NOS1: variants seen among roughly 807,000 people sequenced by gnomAD.
NOS1 encodes the protein NOS type I.
Under a neutral mutation model 164.5 loss-of-function variants are expected in NOS1, and 51 were observed. The observed-to-expected ratio is 0.31, with a 90% CI of 0.25 to 0.39. NOS1 has a LOEUF of 0.39. NOS1 is among the 10% of genes least tolerant of loss of function. The probability of loss-of-function intolerance (pLI) is 1.00; values close to 1 mark genes in which losing one functional copy is unlikely to be tolerated. For synonymous variants in NOS1, 719 were observed against 745.8 expected, an observed-to-expected ratio of 0.96 and a Z score of 0.59; for missense variants, 1,362 against 1,885.6, an observed-to-expected ratio of 0.72 and a Z score of 5.14.
At chr12:117,227,712 G>T in intron 22 of NOS1, 71 bp from the exon 23 acceptor site, 1 of 1,473,602 alleles carries the variant, frequency 6.8e-7, no homozygotes, top group South Asian at 1.1e-5. Context: ...GACCTGAGGG[G>T]GTCCAGGAAG....
intron 2 of NOS1, among the ~76,000 whole-genome samples, chr12:117,319,554 G>C (rs1399818321): frequency 6.6e-6 from 1 of 152,204 alleles, no homozygotes; most frequent in African/African-American, 2.4e-5. Flanking sequence ...GAGGATGAGA[G>C]ACCCCGCAGT....
intron 21 of NOS1, among the ~76,000 whole-genome samples, chr12:117,233,701 A>T (rs996548257): frequency 1.3e-5 from 2 of 151,368 alleles, no homozygotes; most frequent in African/African-American, 2.4e-5. Context: ...CCAGCTACTC[A>T]GGAGGCTAAG....
chr12:117,306,226 G>A (rs868530747), intron 3 of NOS1, among the ~76,000 whole-genome samples: 3 of 152,012 alleles, frequency 2.0e-5, no homozygotes, highest in Admixed American at 6.6e-5. Flanking sequence ...AAAACTGCTC[G>A]GCACACTTAC....
intron 1 of NOS1, among the ~76,000 whole-genome samples, chr12:117,351,080 C>G (rs370660023): frequency 1.4e-4 from 21 of 151,818 alleles, no homozygotes; most frequent in African/African-American, 4.6e-4. Context: ...CGCCACTGCA[C>G]TCCAGCCTGG....
Position 117,263,978 on chromosome 12 carries a change from G to T in NOS1, c.2137-4C>A. 1 of 1,613,206 alleles carries T rather than the reference G, an allele frequency of 6.2e-7. No individual in the cohort carries two copies. The highest frequency in any genetic ancestry group is 8.5e-7 in the Non-Finnish European group (1 of 1,179,310). ...CATGCGTGTTCCAGGGATCAGGCTG[G>T]GAAGAGAAGGAGAGGGCTATGGTCA... On this transcript the variant is annotated splice_polypyrimidine_tract_variant and splice_region_variant and intron_variant, in intron 12 of 28. Coordinates refer to ENST00000317775, the MANE Select transcript of NOS1 (RefSeq NM_000620.5).
Position 117,209,175 on chromosome 12 carries a change from G to A in NOS1, c.*6134C>T, listed in dbSNP as rs1956490787. On this transcript the variant is annotated 3_prime_UTR_variant, in exon 29 of 29. Coordinates refer to ENST00000317775, the MANE Select transcript of NOS1 (RefSeq NM_000620.5). ...GGAAATCTATAATGAGAAGTCCTGG[G>A]GTAGCCAGCAGAGATTCTCTTGACC... 3 of 985,270 alleles carry A rather than the reference G, an allele frequency of 3.0e-6. No individual in the cohort carries two copies. Among genetic ancestry groups the A allele is most frequent in the African/African-American group, 3.5e-5 (2 of 57,212 alleles). 61.0% of individuals were successfully genotyped at this position (985,270 alleles called of 1,614,324 possible).
At chr12:117,219,184 G>T (rs891333754) in intron 27 of NOS1, among the ~76,000 whole-genome samples, 1 of 151,808 alleles carries the variant, frequency 6.6e-6, no homozygotes, top group Admixed American at 6.6e-5. Flanking sequence ...TCACCATGTT[G>T]GTTGGCCAGG....
rs114051722 is a variant in NOS1, at chr12:117,325,977, C to T, written c.725+4368G>A. Among the ~76,000 whole-genome samples, 598 of 152,242 alleles carry T rather than the reference C, an allele frequency of 3.9e-3. 3 individuals carry two copies. The highest frequency in any genetic ancestry group is 0.013 in the African/African-American group (552 of 41,524). ...TATTAGATTTTAAAAATATGAAGTG[C>T]GAGTAGCACTTCTAACTGGATCCAT... On this transcript the variant is annotated intron_variant, in intron 2 of 28. Transcript: ENST00000317775.
chr12:117,326,814 G>A (rs917075241), intron 2 of NOS1, among the ~76,000 whole-genome samples: 2 of 152,200 alleles, frequency 1.3e-5, no homozygotes, highest in African/African-American at 4.8e-5. Flanking sequence ...TTGGAGAGGA[G>A]CCCCTTGGTG....
At chr12:117,328,021 G>A (rs750300213) in intron 2 of NOS1, among the ~76,000 whole-genome samples, 11 of 152,090 alleles carry the variant, frequency 7.2e-5, no homozygotes, top group Non-Finnish European at 1.0e-4. Context: ...GGCAGTTTGG[G>A]AGGAAGGTGC....
chr12:117,330,638 T>C lies in NOS1; in HGVS notation c.432A>G (p.Glu144=), dbSNP rs372667819. 35 of 1,611,664 alleles carry C rather than the reference T, an allele frequency of 2.2e-5. No individual in the cohort carries two copies. The highest frequency in any genetic ancestry group is 2.7e-5 in the Non-Finnish European group (32 of 1,178,450). The change falls in exon 2 of 29, where the codon GAA becomes GAG. Residue 144 remains glutamate (E), a synonymous_variant. Transcript: ENST00000317775. This position sits in a 1 kb window ranked among gnomAD's most constrained non-coding sequence, Gnocchi z 4.6. ...DLSHQPPAGK[E]QPLAVDGASG... is the part of the protein sequence containing the mutation. ...AGGCCCCATCCACTGCCAGGGGCTG[T>C]TCTTTGCCGGCCGGTGGCTGGTGGG...
intron 10 of NOS1, among the ~76,000 whole-genome samples, chr12:117,268,798 C>T (rs748375808): frequency 4.7e-5 from 7 of 149,844 alleles, no homozygotes; most frequent in Non-Finnish European, 8.9e-5. Flanking sequence ...GGGGTTTCAC[C>T]GTGTTAGCCA....
At chr12:117,326,900 C>T (rs1398521737) in intron 2 of NOS1, among the ~76,000 whole-genome samples, 2 of 152,286 alleles carry the variant, frequency 1.3e-5, no homozygotes, top group African/African-American at 4.8e-5. Context: ...TCCTCGTGTC[C>T]CAGACTGTCG....
chr12:117,343,164 T>C (rs1279755745), intron 1 of NOS1, among the ~76,000 whole-genome samples: 2 of 145,708 alleles, frequency 1.4e-5, no homozygotes, highest in African/African-American at 5.2e-5. Context: ...CCCCCATCTC[T>C]ACCAAAAAAA....
chr12:117,361,170 C>A (rs1395349726), intron 1 of NOS1, among the ~76,000 whole-genome samples: 2 of 151,962 alleles, frequency 1.3e-5, no homozygotes, highest in Non-Finnish European at 2.9e-5. Flanking sequence ...CTTCGCGCTG[C>A]GCACCCGCCC....
intron 11 of NOS1, 90 bp from the exon 12 acceptor site, chr12:117,265,600 G>T: frequency 1.0e-6 from 1 of 1,003,082 alleles, no homozygotes; most frequent in Non-Finnish European, 1.4e-6. Context: ...TTTCCCAAAG[G>T]GTGGTCCCTG....
chr12:117,335,729 T>TGAGAGTGAGA lies in NOS1; in HGVS notation c.-420-4241_-420-4240insTCTCACTCTC, dbSNP rs1555261701. 7.1e-5 allele frequency among the ~76,000 whole-genome samples: 8 copies of TGAGAGTGAGA among 112,540 alleles called. No homozygotes were observed. In the Admixed American group the frequency reaches 7.7e-4, roughly 11 times the overall value. The allele number at this position is 112,540 out of a possible 152,430, so 73.8% of individuals were successfully genotyped here. On this transcript the variant is annotated intron_variant, in intron 1 of 28. Transcript: ENST00000317775. ...TTTTATTTAATTGTTACAGACTATA[T>TGAGAGTGAGA]GAGAGAGAGAGAGAGAGAGAGAGAG... is the stretch of plus-strand genomic sequence containing the variant.
At position 117,325,309 on chromosome 12, in the gene NOS1, C is replaced by T. The variant is rs78930185; in HGVS notation, c.725+5036G>A. Among the ~76,000 whole-genome samples the T allele has an allele frequency of 6.1e-3, 923 of 152,212 alleles. 17 individuals carry two copies. The highest frequency in any genetic ancestry group is 0.032 in the South Asian group (154 of 4,820). Reference sequence around the variant, plus strand: ...GGACTGCCCGTCACAAGAGTGACCCCGAAGAACATTCTAGCTCTGGGATTC... The same window carrying T: ...GGACTGCCCGTCACAAGAGTGACCCTGAAGAACATTCTAGCTCTGGGATTC... On this transcript the variant is annotated intron_variant, in intron 2 of 28. Transcript: ENST00000317775.
intron 1 of NOS1, among the ~76,000 whole-genome samples, chr12:117,332,858 C>CT (rs1046552046): frequency 2.7e-4 from 41 of 152,372 alleles, no homozygotes; most frequent in African/African-American, 9.9e-4. Context: ...GAGTGAAACT[C>CT]TGTCTCCCCT....
Sources: gnomAD v4.1 joint callset for allele counts (sites outside exome capture counted in the v4.1 genomes callset) on GRCh38, gnomAD v4.1.1 for gene constraint, Gnocchi (gnomAD v3.1) non-coding constraint, MANE v1.5 for transcripts, NCBI Gene and HGNC (gene_info 2026-07-23, HGNC 2026-07-21) for gene names.